Variants in USH2A observed in about 807,000 individuals in gnomAD.
USH2A encodes usherin, also known as Usher syndrome 2A (autosomal recessive, mild).
In USH2A, 443 loss-of-function variants were observed where a neutral mutation model predicts 538.9. The observed-to-expected ratio is 0.82, with a 90% CI of 0.76 to 0.89. The LOEUF is 0.89. Among genes scored for constraint, USH2A ranks in the 40% least tolerant of loss-of-function variants. USH2A has a pLI of 0.00. For synonymous variants in USH2A, 2,413 were observed against 2,273.5 expected, an observed-to-expected ratio of 1.06 and a Z score of -1.75; for missense variants, 6,633 against 6,324.8, an observed-to-expected ratio of 1.05 and a Z score of -1.65.
At chr1:216,315,797 A>T (rs534726638) in intron 9 of USH2A, among the ~76,000 whole-genome samples, 3 of 152,312 alleles carry the variant, frequency 2.0e-5, no homozygotes, top group African/African-American at 7.2e-5. Context: ...GAAATTAAAC[A>T]TTTATAAATA....
chr1:215,626,016 C>T (rs1656011895), intron 71 of USH2A, 146 bp from the exon 72 acceptor site: 1 of 759,890 alleles, frequency 1.3e-6, no homozygotes. Flanking sequence ...CTAAAACAGA[C>T]CTTGCCTTAA....
chr1:215,654,533 T>C (rs2102647865), intron 64 of USH2A, among the ~76,000 whole-genome samples: 1 of 152,348 alleles, frequency 6.6e-6, no homozygotes, highest in East Asian at 1.9e-4. Flanking sequence ...ACAGTTATGA[T>C]TGTAGAGTCA....
At chr1:216,121,271 G>T (rs971294125) in intron 21 of USH2A, among the ~76,000 whole-genome samples, 2 of 152,006 alleles carry the variant, frequency 1.3e-5, no homozygotes, top group Non-Finnish European at 2.9e-5. Flanking sequence ...AAACTAAAAG[G>T]TTGAATGAAC....
At chr1:215,713,300 A>T (rs1258773528) in intron 61 of USH2A, among the ~76,000 whole-genome samples, 1 of 152,110 alleles carries the variant, frequency 6.6e-6, no homozygotes, top group East Asian at 1.9e-4. Flanking sequence ...TCTCTGCGGG[A>T]GGCACTATTA....
At chr1:216,176,204 C>A (rs1369547021) in intron 20 of USH2A, among the ~76,000 whole-genome samples, 4 of 152,104 alleles carry the variant, frequency 2.6e-5, no homozygotes, top group South Asian at 4.1e-4. Flanking sequence ...ACACCATAGG[C>A]AATGTGCCAG....
intron 60 of USH2A, among the ~76,000 whole-genome samples, chr1:215,733,358 G>A (rs1441563735): frequency 6.6e-6 from 1 of 152,134 alleles, no homozygotes; most frequent in East Asian, 1.9e-4. Flanking sequence ...GGCCCCATCT[G>A]CAACATTGGG....
chr1:216,309,422 CCAGA>C (rs1376454379), intron 9 of USH2A, among the ~76,000 whole-genome samples: 7 of 152,088 alleles, frequency 4.6e-5, no homozygotes, highest in Admixed American at 4.6e-4. Flanking sequence ...TCTCTTTCAG[CCAGA>C]CAGTCTCATA....
At chr1:216,127,868 C>T (rs1387936923) in intron 21 of USH2A, among the ~76,000 whole-genome samples, 3 of 152,112 alleles carry the variant, frequency 2.0e-5, no homozygotes, top group African/African-American at 7.2e-5. Context: ...GCAGAAGAAT[C>T]ATTGGAAAAT....
chr1:215,836,200 A>G (rs949356112), intron 47 of USH2A, among the ~76,000 whole-genome samples: 1 of 151,614 alleles, frequency 6.6e-6, no homozygotes, highest in Non-Finnish European at 1.5e-5. Flanking sequence ...CCACCTAACT[A>G]TAATTCTTCC....
At chr1:215,813,392 T>C (rs536516840) in intron 49 of USH2A, among the ~76,000 whole-genome samples, 1 of 152,258 alleles carries the variant, frequency 6.6e-6, no homozygotes, top group Admixed American at 6.5e-5. Context: ...AACAGCTTCA[T>C]GGGGTGGAAC....
At chr1:216,070,964 T>C (rs2031540219) in intron 29 of USH2A, among the ~76,000 whole-genome samples, 1 of 152,176 alleles carries the variant, frequency 6.6e-6, no homozygotes, top group African/African-American at 2.4e-5. Context: ...TGAGGAAGTT[T>C]AAAAGAACTG....
At chr1:216,283,103 G>T (rs1173006016) in intron 11 of USH2A, among the ~76,000 whole-genome samples, 2 of 151,952 alleles carry the variant, frequency 1.3e-5, no homozygotes, top group Admixed American at 6.6e-5. Flanking sequence ...TGTTGTTGTT[G>T]TTAGATGTAG....
chr1:215,932,565 A>G (rs1022610220), intron 38 of USH2A, among the ~76,000 whole-genome samples: 2 of 152,078 alleles, frequency 1.3e-5, no homozygotes, highest in Admixed American at 6.6e-5. Context: ...TACGTTTCCT[A>G]ATTGTAATCA....
intron 52 of USH2A, among the ~76,000 whole-genome samples, chr1:215,785,039 T>C (rs1435719653): frequency 6.6e-6 from 1 of 152,224 alleles, no homozygotes; most frequent in Non-Finnish European, 1.5e-5. Flanking sequence ...AATTGTCCTC[T>C]ATCTGAGGCC....
chr1:215,907,874 G>A (rs1475322037), intron 38 of USH2A, among the ~76,000 whole-genome samples: 1 of 151,398 alleles, frequency 6.6e-6, no homozygotes, highest in African/African-American at 2.4e-5. Flanking sequence ...AGTTGATGGG[G>A]GAAAGATGGA....
At chr1:216,172,651 T>G (rs977503452) in intron 21 of USH2A, among the ~76,000 whole-genome samples, 1 of 152,062 alleles carries the variant, frequency 6.6e-6, no homozygotes, top group African/African-American at 2.4e-5. Flanking sequence ...AACATCTAGC[T>G]TCTAGTAACA....
At position 216,374,682 on chromosome 1, in the gene USH2A, C is replaced by T. The variant is rs897639231; in HGVS notation, c.652-9597G>A. ...TATAGACTCATGAGTCTCTATTTTA[C>T]TCAGTGGGATATAATTAATTACTCT... On this transcript the variant is annotated intron_variant, in intron 3 of 71. Coordinates refer to ENST00000307340, the MANE Select transcript of USH2A (RefSeq NM_206933.4). 3.9e-5 allele frequency among the ~76,000 whole-genome samples: 6 copies of T among 152,116 alleles called. 1 individual carries two copies. The highest frequency in any genetic ancestry group is 3.9e-4 in the Admixed American group (6 of 15,268).
intron 14 of USH2A, among the ~76,000 whole-genome samples, chr1:216,230,153 G>A (rs1039157176): frequency 6.6e-6 from 1 of 152,102 alleles, no homozygotes; most frequent in South Asian, 2.1e-4. Flanking sequence ...TTTTTCTCCT[G>A]GTAAATGTGG....
At chr1:215,741,213 G>C (rs146847672) in intron 60 of USH2A, among the ~76,000 whole-genome samples, 162 bp downstream of exon 60, 1 of 151,862 alleles carries the variant, frequency 6.6e-6, no homozygotes, top group African/African-American at 2.4e-5. Context: ...TCACTGGTAG[G>C]TGCTACAAAC....
Sources: gnomAD v4.1 joint callset for allele counts (sites outside exome capture counted in the v4.1 genomes callset) on GRCh38, gnomAD v4.1.1 for gene constraint, MANE v1.5 for transcripts, NCBI Gene and HGNC (gene_info 2026-07-23, HGNC 2026-07-21) for gene names.